FBXL7: variants seen among roughly 807,000 people sequenced by gnomAD.
FBXL7 encodes the protein F-box/LRR-repeat protein 7.
Under a neutral mutation model 38.3 loss-of-function variants are expected in FBXL7, and 12 were observed. The observed-to-expected ratio is 0.31, with a 90% CI of 0.20 to 0.51. The LOEUF is 0.51. Among genes scored for constraint, FBXL7 ranks in the 20% least tolerant of loss-of-function variants. The pLI is 0.98. For missense variants in FBXL7, 567 were observed against 676.4 expected (o/e 0.84, Z 1.79); for synonymous variants, 297 against 300.9 (o/e 0.99, Z 0.13).
At chr5:15,814,565 GTA>G (rs1483799986) in intron 2 of FBXL7, among the ~76,000 whole-genome samples, 1 of 151,558 alleles carries the variant, frequency 6.6e-6, no homozygotes, top group African/African-American at 2.4e-5. Context: ...AGAACTTAAA[GTA>G]TATATATATT....
chr5:15,511,218 C>T (rs1211983317), intron 1 of FBXL7, among the ~76,000 whole-genome samples: 1 of 152,108 alleles, frequency 6.6e-6, no homozygotes, highest in African/African-American at 2.4e-5. Flanking sequence ...ATTAACTGCT[C>T]ATTAGGAAAC....
At chr5:15,788,661 A>G (rs2126728502) in intron 2 of FBXL7, among the ~76,000 whole-genome samples, 1 of 150,396 alleles carries the variant, frequency 6.6e-6, no homozygotes, top group Middle Eastern at 3.5e-3. Context: ...ACTCACTCCA[A>G]CATTCTTCAG....
chr5:15,529,926 G>A (rs185359960), intron 1 of FBXL7, among the ~76,000 whole-genome samples: 1 of 152,258 alleles, frequency 6.6e-6, no homozygotes, highest in Non-Finnish European at 1.5e-5. Context: ...AAGTAAAATA[G>A]TTTCCCCATA....
intron 1 of FBXL7, among the ~76,000 whole-genome samples, chr5:15,518,437 G>A (rs919684252): frequency 6.6e-6 from 1 of 152,190 alleles, no homozygotes; most frequent in Non-Finnish European, 1.5e-5. Flanking sequence ...GAGCCCTCTC[G>A]ATACCCTAGC....
At chr5:15,853,871 G>A (rs1739174767) in intron 2 of FBXL7, among the ~76,000 whole-genome samples, 1 of 152,314 alleles carries the variant, frequency 6.6e-6, no homozygotes, top group South Asian at 2.1e-4. Flanking sequence ...AATTTGTTCA[G>A]TACACAGCTC....
chr5:15,777,372 T>C (rs1561122922), intron 2 of FBXL7, among the ~76,000 whole-genome samples: 1 of 152,076 alleles, frequency 6.6e-6, no homozygotes, highest in African/African-American at 2.4e-5. Context: ...TGTTTATGCT[T>C]GAAACTAACC....
At chr5:15,524,438 A>G (rs1737193528) in intron 1 of FBXL7, among the ~76,000 whole-genome samples, 1 of 152,180 alleles carries the variant, frequency 6.6e-6, no homozygotes, top group Non-Finnish European at 1.5e-5. Context: ...CAATTAGTGG[A>G]ATTCTATTTT....
intron 1 of FBXL7, among the ~76,000 whole-genome samples, chr5:15,535,839 A>T (rs1737568676): frequency 6.6e-6 from 1 of 152,266 alleles, no homozygotes; most frequent in Admixed American, 6.5e-5. Flanking sequence ...AATTTGCATA[A>T]GTAATAAGGA....
intron 2 of FBXL7, among the ~76,000 whole-genome samples, chr5:15,624,786 A>C (rs989774885): frequency 6.6e-6 from 1 of 151,820 alleles, no homozygotes; most frequent in Non-Finnish European, 1.5e-5. Flanking sequence ...TTATTTTCAC[A>C]TTGAAAATCA....
At chr5:15,722,082 C>T (rs1052144069) in intron 2 of FBXL7, among the ~76,000 whole-genome samples, 1 of 152,186 alleles carries the variant, frequency 6.6e-6, no homozygotes, top group Non-Finnish European at 1.5e-5. Context: ...ATCTGCCCGC[C>T]TTGGCCTCCT....
At chr5:15,901,132 A>G (rs1741223898) in intron 2 of FBXL7, among the ~76,000 whole-genome samples, 1 of 152,228 alleles carries the variant, frequency 6.6e-6, no homozygotes, top group African/African-American at 2.4e-5. Flanking sequence ...AGTTCACTGA[A>G]TGTCTTATTC....
intron 2 of FBXL7, among the ~76,000 whole-genome samples, chr5:15,809,272 CCT>C (rs763946991): frequency 6.6e-6 from 1 of 152,112 alleles, no homozygotes; most frequent in Non-Finnish European, 1.5e-5. Context: ...AATGTCCATG[CCT>C]TTGAACTTGC....
At chr5:15,744,601 AT>A (rs539918240) in intron 2 of FBXL7, among the ~76,000 whole-genome samples, 43 of 152,148 alleles carry the variant, frequency 2.8e-4, no homozygotes, top group African/African-American at 1.0e-3. Context: ...AGCCCTCCAA[AT>A]GGTTCTAAGC....
Position 15,701,473 on chromosome 5 carries a change from G to A in FBXL7, c.127+85401G>A, listed in dbSNP as rs145096296. 8.0e-4 allele frequency among the ~76,000 whole-genome samples: 122 copies of A among 152,250 alleles called. No homozygotes were observed. In the East Asian group the frequency reaches 0.015, roughly 19 times the overall value. ...AGTGGTTTGTTTTTGGTCACAGAGC[G>A]TCATCATTGTCATGCTTCAGTTCTT... On this transcript the variant is annotated intron_variant, in intron 2 of 3. Coordinates refer to ENST00000504595, the MANE Select transcript of FBXL7 (RefSeq NM_012304.5).
chr5:15,505,439 G>A (rs74530662), intron 1 of FBXL7, among the ~76,000 whole-genome samples: 1,766 of 152,080 alleles, frequency 0.012, 38 homozygotes, highest in African/African-American at 0.041. Flanking sequence ...TTTACTTCCC[G>A]CTATGGGCCC....
chr5:15,775,941 G>A (rs1291827902), intron 2 of FBXL7, among the ~76,000 whole-genome samples: 1 of 152,106 alleles, frequency 6.6e-6, no homozygotes, highest in Admixed American at 6.6e-5. Flanking sequence ...TACTTGAAGA[G>A]ACTACGTTTT....
chr5:15,726,854 G>A (rs1266372797), intron 2 of FBXL7, among the ~76,000 whole-genome samples: 3 of 151,732 alleles, frequency 2.0e-5, no homozygotes, highest in Non-Finnish European at 4.4e-5. Context: ...AGGAACTTGT[G>A]TTATTTTGCT....
chr5:15,674,105 T>C (rs1742575378), intron 2 of FBXL7, among the ~76,000 whole-genome samples: 1 of 152,230 alleles, frequency 6.6e-6, no homozygotes, highest in African/African-American at 2.4e-5. Flanking sequence ...GGTGTCTTTT[T>C]GAACCAGCAT....
intron 2 of FBXL7, among the ~76,000 whole-genome samples, chr5:15,870,400 A>G (rs936312139): frequency 3.9e-5 from 6 of 152,134 alleles, no homozygotes; most frequent in Non-Finnish European, 1.5e-5. Flanking sequence ...GCACTGCTGG[A>G]GCATTTGAAG....
Sources: gnomAD v4.1 joint callset for allele counts (sites outside exome capture counted in the v4.1 genomes callset) on GRCh38, gnomAD v4.1.1 for gene constraint, MANE v1.5 for transcripts, NCBI Gene and HGNC (gene_info 2026-07-23, HGNC 2026-07-21) for gene names.